The following RNF43 variants were observed in gnomAD, a reference collection of about 807,000 sequenced individuals.
The protein encoded by RNF43 is ring finger protein 43.
In RNF43, 37 loss-of-function variants were observed where a neutral mutation model predicts 78.4. The observed-to-expected ratio is 0.47, with a 90% CI of 0.36 to 0.62. The LOEUF is 0.62. Ranked by LOEUF, RNF43 falls within the 20% of genes least tolerant of loss-of-function variation. RNF43 has a pLI of 0.00. For synonymous variants in RNF43, 347 were observed against 395.0 expected, an observed-to-expected ratio of 0.88 and a Z score of 1.44; for missense variants, 774 against 1,007.9, an observed-to-expected ratio of 0.77 and a Z score of 3.14.
chr17:58,413,651 G>T (rs1466961502), intron 2 of RNF43, among the ~76,000 whole-genome samples: 1 of 152,110 alleles, frequency 6.6e-6, no homozygotes, highest in Non-Finnish European at 1.5e-5. Context: ...TAGAACAATA[G>T]AAGACATGAT....
rs538986303 is a variant in RNF43, at chr17:58,411,899, G to A, written c.252+3427C>T. On this transcript the variant is annotated intron_variant, in intron 2 of 9. Transcript: ENST00000407977. The stretch of plus-strand genomic sequence containing the variant: ...ACCAGAAAACCGGAAATTAGACAAT[G>A]AATCAGCTCCAACACTTTTCCTTCT... Among the ~76,000 whole-genome samples, 17 of 152,274 alleles carry A rather than the reference G, an allele frequency of 1.1e-4. No homozygotes were observed. The South Asian group carries it at 2.7e-3, about 24-fold the overall frequency.
In RNF43 at chr17:58,401,204, A is replaced by T. The variant is rs537322689; in HGVS notation, c.252+14122T>A. Among the ~76,000 whole-genome samples, 8 of 152,376 alleles carry T rather than the reference A, an allele frequency of 5.3e-5. No individual in the cohort carries two copies. The East Asian group carries it at 7.7e-4, about 15-fold the overall frequency. On this transcript the variant is annotated intron_variant, in intron 2 of 9. Coordinates refer to ENST00000407977, the MANE Select transcript of RNF43 (RefSeq NM_017763.6). The stretch of plus-strand genomic sequence containing the variant: ...GATTCATGCTTATTAATAGATCCTC[A>T]TGAAAGTCTTGAAAACCAGGTAAAC...
rs1219430140 is a variant in RNF43, at chr17:58,354,732, T to C, written c.*211A>G. On this transcript the variant is annotated 3_prime_UTR_variant, in exon 10 of 10. Transcript: ENST00000407977. Reference sequence around the variant, plus strand: ...GGACATGGATTTGCTGCACTGCAGATGTTTTCTGCAGACAAGGTCTGGAGC... The same window carrying C: ...GGACATGGATTTGCTGCACTGCAGACGTTTTCTGCAGACAAGGTCTGGAGC... The C allele has an allele frequency of 1.7e-6, 1 of 594,316 alleles. No homozygotes were observed. The highest frequency in any genetic ancestry group is 3.1e-6 in the Non-Finnish European group (1 of 327,090). 36.8% of individuals were successfully genotyped at this position (594,316 alleles called of 1,614,324 possible). A position where few individuals can be genotyped will look rare whatever the true frequency, so the allele number is the denominator to read the frequency against.
intron 2 of RNF43, among the ~76,000 whole-genome samples, chr17:58,379,724 A>C (rs1973274898): frequency 6.6e-6 from 1 of 152,254 alleles, no homozygotes; most frequent in African/African-American, 2.4e-5. Context: ...AAATGGAAGA[A>C]GGTAAGGAGA....
chr17:58,362,528 A>C lies in RNF43; in HGVS notation c.687+16T>G, dbSNP rs774048994. ...ACGCACACGTTCACCGCCGCCAAAGACCCCACACTGCTCACCGGCCTGCTG... is the reference window on the plus strand; with the variant it reads ...ACGCACACGTTCACCGCCGCCAAAGCCCCCACACTGCTCACCGGCCTGCTG... On this transcript the variant is annotated intron_variant, in intron 6 of 9. Coordinates refer to ENST00000407977, the MANE Select transcript of RNF43 (RefSeq NM_017763.6). The C allele has an allele frequency of 6.3e-6, 10 of 1,593,292 alleles. No individual in the cohort carries two copies. Among genetic ancestry groups the C allele is most frequent in the African/African-American group, 2.7e-5 (2 of 73,936 alleles).
In RNF43 at chr17:58,358,523, A is replaced by G. The variant is rs1395410195; in HGVS notation, c.1253T>C (p.Leu418Pro). 20 of 1,613,446 alleles carry G rather than the reference A, an allele frequency of 1.2e-5. No homozygotes were observed. The highest frequency in any genetic ancestry group is 8.5e-7 in the Non-Finnish European group (1 of 1,179,712). The change falls in exon 9 of 10, where the codon CTG (leucine) becomes CCG (proline). Residue 418 changes from leucine (L) to proline (P), a missense_variant. Physicochemically the swap from Leu to Pro is moderately conservative, Grantham distance 98. Coordinates refer to ENST00000407977, the MANE Select transcript of RNF43 (RefSeq NM_017763.6). The surrounding 1 kb of genome is among the most constrained non-coding windows in gnomAD (Gnocchi z 6.2). ...CTGTGAGGTGGATTGGAGGTGGCTCAGTCCCCAGCCTTGTGCATAGGGGTG... is the reference window on the plus strand; with the variant it reads ...CTGTGAGGTGGATTGGAGGTGGCTCGGTCCCCAGCCTTGTGCATAGGGGTG... ...AQHPYAQGWG[L>P]SHLQSTSQHP...
chr17:58,411,218 C>T (rs1248851073), intron 2 of RNF43, among the ~76,000 whole-genome samples: 1 of 152,118 alleles, frequency 6.6e-6, no homozygotes, highest in Non-Finnish European at 1.5e-5. Flanking sequence ...GCCTGGGAAT[C>T]TGAAGCCTAG....
intron 2 of RNF43, 114 bp downstream of exon 2, chr17:58,415,212 T>G (rs1399417172): frequency 1.8e-6 from 2 of 1,106,436 alleles, no homozygotes; most frequent in Non-Finnish European, 1.3e-6. Context: ...ACTCTTTCTA[T>G]GAAATAGAAA....
In RNF43 at chr17:58,353,932, C is replaced by T. The variant is rs1254665803; in HGVS notation, c.*1011G>A. Reference sequence around the variant, plus strand: ...ATGTCACCCTGATGAGGCCCATCAGCTCTTGTCCACTCAGTGAGGCCAGAC... The same window carrying T: ...ATGTCACCCTGATGAGGCCCATCAGTTCTTGTCCACTCAGTGAGGCCAGAC... On this transcript the variant is annotated 3_prime_UTR_variant, in exon 10 of 10. Transcript: ENST00000407977. 5.4e-6 allele frequency: 1 copy of T among 185,284 alleles called. No homozygotes were observed. Among genetic ancestry groups the T allele is most frequent in the Non-Finnish European group, 1.1e-5 (1 of 87,222 alleles). The allele number at this position is 185,284 out of a possible 1,614,324, so 11.5% of individuals were successfully genotyped here.
chr17:58,389,390 G>A (rs1318868043), intron 2 of RNF43, among the ~76,000 whole-genome samples: 1 of 152,178 alleles, frequency 6.6e-6, no homozygotes, highest in Non-Finnish European at 1.5e-5. Context: ...AGTCAGTCTT[G>A]ATATACTAAA....
chr17:58,371,055 G>C (rs1973085420), intron 2 of RNF43, 22 bp from the exon 3 acceptor site: 2 of 1,545,604 alleles, frequency 1.3e-6, no homozygotes, highest in South Asian at 1.2e-5. Context: ...GACAGACTTG[G>C]GTTAGGGAGG....
chr17:58,377,593 G>C (rs1027870753), intron 2 of RNF43, among the ~76,000 whole-genome samples: 2 of 152,028 alleles, frequency 1.3e-5, no homozygotes, highest in Non-Finnish European at 2.9e-5. Context: ...CTTATCCATG[G>C]CATCTCCTCC....
intron 2 of RNF43, among the ~76,000 whole-genome samples, chr17:58,378,548 T>G (rs891868209): frequency 2.6e-5 from 4 of 152,210 alleles, no homozygotes; most frequent in East Asian, 3.9e-4. Context: ...TGCTATCTAT[T>G]TTTTAAAAAT....
rs548204591 is a variant in RNF43, at chr17:58,357,055, G to A, written c.2308+413C>T. The A allele has an allele frequency of 9.6e-5, 58 of 605,074 alleles. No individual in the cohort carries two copies. Among genetic ancestry groups the A allele is most frequent in the Middle Eastern group, 8.8e-4 (2 of 2,270 alleles). The allele number at this position is 605,074 out of a possible 1,614,324, so 37.5% of individuals were successfully genotyped here. A position where few individuals can be genotyped will look rare whatever the true frequency, so the allele number is the denominator to read the frequency against. ...ATTATAAGTGCCCGCCACCATACCC[G>A]GCTAATTTTTGTATTTTTAGTAGAG... On this transcript the variant is annotated intron_variant, in intron 9 of 9. Coordinates refer to ENST00000407977, the MANE Select transcript of RNF43 (RefSeq NM_017763.6). This position sits in a 1 kb window ranked among gnomAD's most constrained non-coding sequence, Gnocchi z 4.5.
chr17:58,356,605 G>A (rs1972688626), intron 9 of RNF43, among the ~76,000 whole-genome samples: 2 of 152,222 alleles, frequency 1.3e-5, no homozygotes, highest in East Asian at 1.9e-4. Context: ...TTTACCACAG[G>A]GGAAGAGAAG....
At chr17:58,361,126 C>T (rs1972827584) in intron 6 of RNF43, among the ~76,000 whole-genome samples, 182 bp from the exon 7 acceptor site, 1 of 152,244 alleles carries the variant, frequency 6.6e-6, no homozygotes, top group African/African-American at 2.4e-5. Flanking sequence ...TCTCCCAGTC[C>T]ACCCACCTGC....
intron 2 of RNF43, among the ~76,000 whole-genome samples, chr17:58,379,441 A>C (rs78911886): frequency 0.014 from 2,107 of 152,274 alleles, 90 homozygotes; most frequent in Admixed American, 0.081. Context: ...AGGATGAGAA[A>C]GGTGTGTCCT....
At chr17:58,408,452 A>C (rs2143670625) in intron 2 of RNF43, among the ~76,000 whole-genome samples, 1 of 152,314 alleles carries the variant, frequency 6.6e-6, no homozygotes, top group Non-Finnish European at 1.5e-5. Flanking sequence ...GGTCCTTTGG[A>C]TGCACGCTAA....
chr17:58,357,896 A>G lies in RNF43; in HGVS notation c.1880T>C (p.Val627Ala), dbSNP rs199831923. The G allele has an allele frequency of 2.7e-4, 442 of 1,613,410 alleles. No individual in the cohort carries two copies. Among genetic ancestry groups the G allele is most frequent in the Non-Finnish European group, 2.7e-4 (324 of 1,179,756 alleles). ...RALPEPAPGP[V>A]DASSICPSTS... ...ACTGGGGCAGATGCTGGAGGCGTCA[A>G]CTGGGCCAGGGGCTGGCTCAGGGAG... The change falls in exon 9 of 10, where the codon GTT (valine) becomes GCT (alanine). Residue 627 changes from valine to alanine, a missense_variant. Coordinates refer to ENST00000407977, the MANE Select transcript of RNF43 (RefSeq NM_017763.6). This position sits in a 1 kb window ranked among gnomAD's most constrained non-coding sequence, Gnocchi z 4.5.
Sources: gnomAD v4.1 joint callset for allele counts (sites outside exome capture counted in the v4.1 genomes callset) on GRCh38, gnomAD v4.1.1 for gene constraint, Gnocchi (gnomAD v3.1) non-coding constraint, MANE v1.5 for transcripts, NCBI Gene and HGNC (gene_info 2026-07-23, HGNC 2026-07-21) for gene names.